Variants in DNAH11 observed in about 807,000 individuals in gnomAD.
DNAH11 encodes the protein dynein axonemal heavy chain 11.
In DNAH11, 442 loss-of-function variants were observed where a neutral mutation model predicts 526.0. The ratio of observed to expected loss-of-function variants is 0.84; its 90% CI spans 0.78 to 0.91. The LOEUF (loss-of-function observed/expected upper bound fraction) is 0.91. DNAH11 is among the 40% of genes least tolerant of loss of function. DNAH11 has a pLI of 0.00. For missense variants in DNAH11, 6,989 were observed against 5,448.7 expected, an observed-to-expected ratio of 1.28 and a Z score of -8.90; for synonymous variants, 2,461 against 1,935.9, an observed-to-expected ratio of 1.27 and a Z score of -7.12.
In DNAH11 at chr7:21,872,780, C is replaced by T. The variant is rs556927275; in HGVS notation, c.11968-494C>T. ...TGCTTGCTTTCAGCTAGCCTTGCTT[C>T]CCTTATTTCCTTTTGAGTTCATATG... On this transcript the variant is annotated intron_variant, in intron 73 of 81. Transcript: ENST00000409508. Among the ~76,000 whole-genome samples the T allele has an allele frequency of 8.5e-5, 13 of 152,328 alleles. No homozygotes were observed. In the South Asian group the frequency reaches 2.5e-3, roughly 29 times the overall value.
At chr7:21,744,160 A>G (rs1017384906) in intron 49 of DNAH11, among the ~76,000 whole-genome samples, 15 of 152,238 alleles carry the variant, frequency 9.9e-5, no homozygotes, top group African/African-American at 3.6e-4. Flanking sequence ...GTAAGGCTTA[A>G]TAGGCTCAAG....
At chr7:21,649,618 T>C (rs1787535156) in intron 28 of DNAH11, among the ~76,000 whole-genome samples, 2 of 151,918 alleles carry the variant, frequency 1.3e-5, no homozygotes, top group African/African-American at 4.8e-5. Context: ...GTAACTGGCA[T>C]GCACCATGAG....
chr7:21,770,460 C>T (rs1309206944), intron 55 of DNAH11, among the ~76,000 whole-genome samples: 1 of 152,114 alleles, frequency 6.6e-6, no homozygotes, highest in East Asian at 1.9e-4. Context: ...GCTTTTGGAG[C>T]ATTTCAGATT....
intron 65 of DNAH11, among the ~76,000 whole-genome samples, chr7:21,821,520 A>T (rs1790050028): frequency 6.6e-6 from 1 of 152,128 alleles, no homozygotes; most frequent in South Asian, 2.1e-4. Flanking sequence ...TTATCGCTAT[A>T]TGAAGTTTAT....
intron 42 of DNAH11, among the ~76,000 whole-genome samples, chr7:21,715,886 A>C (rs1287361209): frequency 6.9e-6 from 1 of 145,520 alleles, no homozygotes; most frequent in Non-Finnish European, 1.5e-5. Context: ...TTTTTCTCTC[A>C]AGCAGAATCG....
chr7:21,781,442 C>G (rs552872543), intron 57 of DNAH11, among the ~76,000 whole-genome samples: 106 of 152,320 alleles, frequency 7.0e-4, no homozygotes, highest in South Asian at 2.1e-3. Context: ...AAAATTAGTT[C>G]TTCTTCCACC....
intron 22 of DNAH11, 133 bp downstream of exon 22, chr7:21,616,425 G>T: frequency 1.5e-6 from 1 of 653,818 alleles, no homozygotes; most frequent in African/African-American, 1.8e-5. Flanking sequence ...AGCAGACAGT[G>T]TTTTTTTCAC....
rs753683119 is a variant in DNAH11, at chr7:21,591,072, A to T, written c.2274+50A>T. ...GATACTAGGGCCTATTATGAATATA[A>T]ATATTTTGAATTTTAATTATTATAT... is the stretch of plus-strand genomic sequence containing the variant. On this transcript the variant is annotated intron_variant, in intron 13 of 81. Transcript: ENST00000409508. 139 of 1,374,128 alleles carry T rather than the reference A, an allele frequency of 1.0e-4. 2 individuals are homozygous for T. Among genetic ancestry groups the T allele is most frequent in the South Asian group, 9.3e-4 (54 of 58,094 alleles). 85.1% of individuals were successfully genotyped at this position (1,374,128 alleles called of 1,614,324 possible).
chr7:21,589,382 C>G lies in DNAH11; in HGVS notation c.2148C>G (p.Leu716=), dbSNP rs770587150. Residue 716 remains leucine, a synonymous_variant, in exon 12 of 82, where the codon CTC becomes CTG. Coordinates refer to ENST00000409508, the MANE Select transcript of DNAH11 (RefSeq NM_001277115.2). ...AATTCAGTGCCATAAATGGTCTTCT[C>G]TGTGTCAATTTTGACCCAAAGGTAG... ...LVKFSAINGL[L]CVNFDPKLVA... is the part of the protein sequence containing the mutation. 6.2e-7 allele frequency: 1 copy of G among 1,603,658 alleles called. No individual in the cohort carries two copies. Among genetic ancestry groups the G allele is most frequent in the Non-Finnish European group, 8.5e-7 (1 of 1,176,232 alleles).
At chr7:21,638,691 GGTGTGTGTGTGTGTGTGT>G (rs56257528) in intron 27 of DNAH11, among the ~76,000 whole-genome samples, 11 of 144,214 alleles carry the variant, frequency 7.6e-5, no homozygotes, top group Admixed American at 4.8e-4. Flanking sequence ...CAGCTAATGG[GGTGTGTGTGTGTGTGTGT>G]GTGTGTGTGT....
In DNAH11 at chr7:21,570,466, C is replaced by G. The variant is rs992560400; in HGVS notation, c.1425+167C>G. 9 of 500,754 alleles carry G rather than the reference C, an allele frequency of 1.8e-5. No individual in the cohort carries two copies. In the Admixed American group the frequency reaches 2.7e-4, roughly 15 times the overall value. 31.0% of individuals were successfully genotyped at this position (500,754 alleles called of 1,614,324 possible). On this transcript the variant is annotated intron_variant, in intron 7 of 81. Coordinates refer to ENST00000409508, the MANE Select transcript of DNAH11 (RefSeq NM_001277115.2). ...GGCCAATGCTATGATGATACAAGGGCATTTTTTAAATCTTTAATTTGGATT... is the reference window on the plus strand; with the variant it reads ...GGCCAATGCTATGATGATACAAGGGGATTTTTTAAATCTTTAATTTGGATT...
At chr7:21,851,726 C>A in intron 66 of DNAH11, 1 of 464,042 alleles carries the variant, frequency 2.2e-6, no homozygotes, top group Non-Finnish European at 4.5e-6. Flanking sequence ...TCAGTGTTCC[C>A]GAGAAGCTGT....
At chr7:21,582,460 A>T (rs990197534) in intron 9 of DNAH11, among the ~76,000 whole-genome samples, 6 of 152,220 alleles carry the variant, frequency 3.9e-5, no homozygotes, top group African/African-American at 1.4e-4. Context: ...CAGGCATAAG[A>T]CATCATTGAT....
In DNAH11 at chr7:21,704,632, A is replaced by G; in HGVS notation, c.6468+4A>G. The G allele has an allele frequency of 1.3e-6, 2 of 1,586,816 alleles. No homozygotes were observed. Among genetic ancestry groups the G allele is most frequent in the Non-Finnish European group, 1.7e-6 (2 of 1,172,682 alleles). On this transcript the variant is annotated splice_donor_region_variant and intron_variant, in intron 38 of 81. Transcript: ENST00000409508. ...TGAAGAGAGCTTCATCCTCAAAGTA[A>G]AAGGAGCATTTGCTTTTCATGGCAG...
At chr7:21,815,562 C>G (rs1789744348) in intron 63 of DNAH11, among the ~76,000 whole-genome samples, 1 of 152,126 alleles carries the variant, frequency 6.6e-6, no homozygotes, top group Non-Finnish European at 1.5e-5. Context: ...GCCTCCCCTA[C>G]CTACTACAGG....
At chr7:21,684,247 T>G (rs1020282785) in intron 32 of DNAH11, among the ~76,000 whole-genome samples, 27 of 152,304 alleles carry the variant, frequency 1.8e-4, no homozygotes, top group African/African-American at 5.5e-4. Flanking sequence ...TTACTGAAAG[T>G]GTACAATAAC....
chr7:21,611,553 T>C (rs960566564), intron 20 of DNAH11, among the ~76,000 whole-genome samples: 1 of 152,204 alleles, frequency 6.6e-6, no homozygotes, highest in Non-Finnish European at 1.5e-5. Flanking sequence ...CATGAATCGA[T>C]AGATTCAGGA....
intron 8 of DNAH11, among the ~76,000 whole-genome samples, chr7:21,581,465 T>C (rs1343448183): frequency 6.6e-6 from 1 of 152,072 alleles, no homozygotes; most frequent in African/African-American, 2.4e-5. Context: ...TACAACTCCA[T>C]GAAAAAACAA....
intron 54 of DNAH11, among the ~76,000 whole-genome samples, chr7:21,754,482 T>C (rs1207282837): frequency 1.3e-5 from 2 of 152,198 alleles, no homozygotes; most frequent in Non-Finnish European, 2.9e-5. Context: ...ATCTCTATTG[T>C]TGTCTAATCC....
Sources: gnomAD v4.1 joint callset for allele counts (sites outside exome capture counted in the v4.1 genomes callset) on GRCh38, gnomAD v4.1.1 for gene constraint, MANE v1.5 for transcripts, NCBI Gene and HGNC (gene_info 2026-07-23, HGNC 2026-07-21) for gene names.